Variants in KHSRP observed in about 807,000 individuals in gnomAD.
The protein encoded by KHSRP is KH-type splicing regulatory protein.
Under a neutral mutation model 94.9 loss-of-function variants are expected in KHSRP, and 13 were observed. The observed-to-expected ratio is 0.14, with a 90% confidence interval of 0.09 to 0.22. The LOEUF is 0.22. Among genes scored for constraint, KHSRP ranks in the 10% least tolerant of loss-of-function variants. The probability of loss-of-function intolerance (pLI) is 1.00; values close to 1 mark genes in which losing one functional copy is unlikely to be tolerated. For missense variants in KHSRP, 710 were observed against 1,010.0 expected, an observed-to-expected ratio of 0.70 and a Z score of 4.03; for synonymous variants, 495 against 401.4, an observed-to-expected ratio of 1.23 and a Z score of -2.79.
rs1387113035 is a variant in KHSRP, at chr19:6,415,043, G to A, written c.2225C>T (p.Pro742Leu). The A allele has an allele frequency of 6.5e-7, 1 of 1,535,670 alleles. No individual in the cohort carries two copies. Among genetic ancestry groups the A allele is most frequent in the Non-Finnish European group, 8.7e-7 (1 of 1,150,218 alleles). The change falls in exon 19 of 19, where the codon CCC becomes CTC. Residue 742 changes from proline (P) to leucine (L), a missense_variant. Around this residue, in one of 5 missense-constraint regions of KHSRP, gnomAD observed 292 missense variants for 340.5 expected, o/e 0.86. Transcript: ENST00000600480. ...ALVGSAGNPF[P>L]CGVCP ...CAGGCATCAAGGGCACACCCCGCAG[G>A]GGAAGGGGTTTCCGGCGCTACCCAC...
At position 6,414,217 on chromosome 19, in the gene KHSRP, G is replaced by C. The variant is rs759560197; in HGVS notation, c.*807C>G. The stretch of plus-strand genomic sequence containing the variant: ...AGGAGGGGCTGGAACACCGTGGGGG[G>C]GGCCAGGAAGCCCCCTCCCAAACCT... On this transcript the variant is annotated 3_prime_UTR_variant, in exon 19 of 19. Coordinates refer to ENST00000600480, the MANE Select transcript of KHSRP (RefSeq NM_001366299.1). 6.6e-7 allele frequency: 1 copy of C among 1,524,230 alleles called. No individual in the cohort carries two copies. Among genetic ancestry groups the C allele is most frequent in the South Asian group, 1.2e-5 (1 of 80,114 alleles). The allele number at this position is 1,524,230 out of a possible 1,614,324, so 94.4% of individuals were successfully genotyped here.
At chr19:6,415,987 G>A in intron 15 of KHSRP, 91 bp from the exon 16 acceptor site, 1 of 840,428 alleles carries the variant, frequency 1.2e-6, no homozygotes, top group Non-Finnish European at 1.8e-6. Flanking sequence ...CAGTGGGGAG[G>A]CGCCAGAGAC....
At chr19:6,420,584 C>T in intron 4 of KHSRP, 113 bp from the exon 5 acceptor site, 1 of 935,388 alleles carries the variant, frequency 1.1e-6, no homozygotes, top group East Asian at 2.5e-5. Context: ...AGTCTGACCA[C>T]ACAGGCCACA....
Position 6,421,640 on chromosome 19 carries a change from C to CTGTTTTT in KHSRP, c.385+9_385+10insAAAAACA, listed in dbSNP as rs752632386. On this transcript the variant is annotated intron_variant, in intron 3 of 18. Coordinates refer to ENST00000600480, the MANE Select transcript of KHSRP (RefSeq NM_001366299.1). ...AGCCACATATCTGCCACCAGACCCC[C>CTGTTTTT]TGGACTTACAGTCTCCCTGGGAAGC... is the stretch of plus-strand genomic sequence containing the variant. 37 of 1,613,794 alleles carry CTGTTTTT rather than the reference C, an allele frequency of 2.3e-5. No homozygotes were observed. Among genetic ancestry groups the CTGTTTTT allele is most frequent in the Non-Finnish European group, 2.9e-5 (34 of 1,179,854 alleles).
rs140095711 is a variant in KHSRP at position 6,423,392 on chromosome 19, G to A, written c.250-956C>T. ...CCAGCAAACTTAGGATCAGAGTCTG[G>A]GGTTTAGAAACCCAAACCATGTTAA... On this transcript the variant is annotated intron_variant, in intron 1 of 18. Transcript: ENST00000600480. 3.7e-4 allele frequency among the ~76,000 whole-genome samples: 57 copies of A among 152,286 alleles called. No individual in the cohort carries two copies. In the East Asian group the frequency reaches 9.8e-3, roughly 26 times the overall value.
In KHSRP at chr19:6,416,281, A is replaced by G; in HGVS notation, c.1598+17T>C. 4.4e-6 allele frequency: 7 copies of G among 1,577,546 alleles called. No individual in the cohort carries two copies. Among genetic ancestry groups the G allele is most frequent in the Non-Finnish European group, 6.0e-6 (7 of 1,159,504 alleles). ...TAAGCCCCCGGCCTCAAAACCCAGG[A>G]GGCAGAGGATACTCACTGTGGGGGA... On this transcript the variant is annotated intron_variant, in intron 15 of 18. Coordinates refer to ENST00000600480, the MANE Select transcript of KHSRP (RefSeq NM_001366299.1).
At position 6,416,342 on chromosome 19, in the gene KHSRP, G is replaced by C; in HGVS notation, c.1554C>G (p.Phe518Leu). Residue 518 changes from phenylalanine (F) to leucine (L), a missense_variant, in exon 15 of 19, where the codon TTC becomes TTG. This residue lies in a region of KHSRP where 292 missense variants were observed against 340.5 expected (regional missense o/e 0.86). Coordinates refer to ENST00000600480, the MANE Select transcript of KHSRP (RefSeq NM_001366299.1). The stretch of plus-strand genomic sequence containing the variant: ...GCCCCTGGTTGAAGGGCCCAGGATT[G>C]AAGGGCCCCATTGGGCCAGCAGGGC... ...GPGPAGPMGP[F>L]NPGPFNQGPP... 1 of 1,609,714 alleles carries C rather than the reference G, an allele frequency of 6.2e-7. No individual in the cohort carries two copies. Among genetic ancestry groups the C allele is most frequent in the Non-Finnish European group, 8.5e-7 (1 of 1,178,804 alleles).
chr19:6,413,650 T>TC lies in KHSRP; in HGVS notation c.*1373dup, dbSNP rs2092117176. ...AAATAGCAAGAGTGACTTTTTTTTT[T>TC]CCTTTTTAAAAGTTTATTTTAAAAA... is the stretch of plus-strand genomic sequence containing the variant. On this transcript the variant is annotated 3_prime_UTR_variant, in exon 19 of 19. Transcript: ENST00000600480. 6.0e-6 allele frequency: 1 copy of TC among 165,626 alleles called. No individual in the cohort carries two copies. The highest frequency in any genetic ancestry group is 1.1e-4 in the South Asian group (1 of 8,732). The allele number at this position is 165,626 out of a possible 1,614,324, so 10.3% of individuals were successfully genotyped here. A position where few individuals can be genotyped will look rare whatever the true frequency, so the allele number is the denominator to read the frequency against.
At chr19:6,419,304 C>T in intron 6 of KHSRP, 44 bp from the exon 7 acceptor site, 2 of 1,516,854 alleles carry the variant, frequency 1.3e-6, no homozygotes, top group Non-Finnish European at 1.8e-6. Context: ...GGCCCACAGG[C>T]AGAGAAAGGC....
At chr19:6,420,236 G>GA in intron 5 of KHSRP, 92 bp from the exon 6 acceptor site, 1 of 1,249,526 alleles carries the variant, frequency 8.0e-7, no homozygotes, top group Non-Finnish European at 1.1e-6. Context: ...CAGCCCCTCT[G>GA]ACGTTCAGGA....
In KHSRP at chr19:6,418,136, C is replaced by T. The variant is rs570375141; in HGVS notation, c.880-57G>A. ...TGAGCCCTGCTGCCCCACACCCCCC[C>T]ACCTCCTCGGGGGTGCGGGCCTCAA... On this transcript the variant is annotated intron_variant, in intron 9 of 18. Coordinates refer to ENST00000600480, the MANE Select transcript of KHSRP (RefSeq NM_001366299.1). The surrounding 1 kb of genome is among the most constrained non-coding windows in gnomAD (Gnocchi z 4.3). 3.3e-6 allele frequency: 5 copies of T among 1,495,446 alleles called. No homozygotes were observed. Among genetic ancestry groups the T allele is most frequent in the African/African-American group, 2.8e-5 (2 of 72,534 alleles). The allele number at this position is 1,495,446 out of a possible 1,614,324, so 92.6% of individuals were successfully genotyped here.
intron 11 of KHSRP, 126 bp from the exon 12 acceptor site, chr19:6,417,213 C>T (rs1431488701): frequency 1.7e-5 from 12 of 716,160 alleles, no homozygotes; most frequent in Non-Finnish European, 6.7e-6. Context: ...GCGCCGCTCC[C>T]AGCCTCCACT....
chr19:6,419,670 G>T (rs1459853751), intron 6 of KHSRP, among the ~76,000 whole-genome samples: 1 of 152,250 alleles, frequency 6.6e-6, no homozygotes, highest in Non-Finnish European at 1.5e-5. Context: ...CCTGAGAGCA[G>T]ATGTGCAGCC....
rs1316469944 is a variant in KHSRP, at chr19:6,415,317, G to C, written c.1967-16C>G. Reference sequence around the variant, plus strand: ...GCCACTTGCGCTGTGGGTGGACAAAGGCAGGTGAGAGGCTGTGGGTGAGGG... The same window carrying C: ...GCCACTTGCGCTGTGGGTGGACAAACGCAGGTGAGAGGCTGTGGGTGAGGG... On this transcript the variant is annotated splice_polypyrimidine_tract_variant and intron_variant, in intron 18 of 18. Transcript: ENST00000600480. 2.5e-6 allele frequency: 4 copies of C among 1,613,400 alleles called. No individual in the cohort carries two copies. Among genetic ancestry groups the C allele is most frequent in the Non-Finnish European group, 3.4e-6 (4 of 1,179,834 alleles).
intron 2 of KHSRP, 48 bp from the exon 3 acceptor site, chr19:6,421,736 C>T (rs575218874): frequency 6.2e-6 from 10 of 1,607,150 alleles, no homozygotes; most frequent in South Asian, 3.3e-5. Flanking sequence ...CACCCACGGC[C>T]GCCTCGAACC....
At position 6,415,231 on chromosome 19, in the gene KHSRP, C is replaced by T. The variant is rs566662273; in HGVS notation, c.2037G>A (p.Ala679=). Residue 679 remains alanine, a synonymous_variant, in exon 19 of 19, where the codon GCG becomes GCA. Transcript: ENST00000600480. ...AAGCGGCCTGCTGTCTGTAATATTC[C>T]GCCCAGGCGGCACTGTAGTCTGGCT... ...GSQPDYSAAW[A]EYYRQQAAYY... 93 of 1,612,640 alleles carry T rather than the reference C, an allele frequency of 5.8e-5. No individual in the cohort carries two copies. Among genetic ancestry groups the T allele is most frequent in the East Asian group, 8.9e-5 (4 of 44,880 alleles).
Position 6,414,298 on chromosome 19 carries a change from G to T in KHSRP, c.*726C>A. 7.2e-7 allele frequency: 1 copy of T among 1,391,702 alleles called. No homozygotes were observed. Among genetic ancestry groups the T allele is most frequent in the Middle Eastern group, 1.9e-4 (1 of 5,148 alleles). The allele number at this position is 1,391,702 out of a possible 1,614,324, so 86.2% of individuals were successfully genotyped here. ...TTAACTGTCTAGCCAGGTGCTCGCG[G>T]GACTCGCTGAAGTCACGCTGCTCCC... is the stretch of plus-strand genomic sequence containing the variant. On this transcript the variant is annotated 3_prime_UTR_variant, in exon 19 of 19. Transcript: ENST00000600480.
At chr19:6,416,697 G>A in intron 13 of KHSRP, 41 bp downstream of exon 13, 1 of 1,612,416 alleles carries the variant, frequency 6.2e-7, no homozygotes, top group Non-Finnish European at 8.5e-7. Flanking sequence ...ATGGCCCAGG[G>A]AAGAGGGGGC....
intron 11 of KHSRP, among the ~76,000 whole-genome samples, 200 bp from the exon 12 acceptor site, chr19:6,417,287 G>C (rs916243852): frequency 6.6e-6 from 1 of 152,234 alleles, no homozygotes; most frequent in Non-Finnish European, 1.5e-5. Context: ...GCCAAGCCAG[G>C]AGGTGGCTCA....
Sources: allele counts gnomAD v4.1 joint callset (sites outside exome capture counted in the v4.1 genomes callset), GRCh38; gene constraint gnomAD v4.1.1; regional missense constraint gnomAD v4.1.1; non-coding constraint Gnocchi (gnomAD v3.1); transcripts MANE v1.5; gene names NCBI Gene and HGNC (gene_info 2026-07-23, HGNC 2026-07-21).